Variants in CNTN5 observed in about 807,000 individuals in gnomAD.
The protein encoded by CNTN5 is contactin 5, also known as contactin-5.
A neutral mutation model predicts 129.1 loss-of-function variants in CNTN5; 77 were observed. The observed-to-expected ratio is 0.60, with a 90% CI of 0.50 to 0.72. The LOEUF is 0.72. Among genes scored for constraint, CNTN5 ranks in the 30% least tolerant of loss-of-function variants. CNTN5 has a pLI of 0.00. For missense variants in CNTN5, 1,478 were observed against 1,328.8 expected (o/e 1.11, Z -1.75); for synonymous variants, 509 against 465.6 (o/e 1.09, Z -1.20).
At chr11:99,165,347 T>C (rs901689434) in intron 1 of CNTN5, among the ~76,000 whole-genome samples, 4 of 152,218 alleles carry the variant, frequency 2.6e-5, no homozygotes, top group Admixed American at 1.3e-4. Context: ...AGTCTAATTA[T>C]TAGGTACAAC....
intron 21 of CNTN5, among the ~76,000 whole-genome samples, chr11:100,312,676 C>G (rs1565421165): frequency 6.6e-6 from 1 of 152,022 alleles, no homozygotes. Context: ...TGATCAATTT[C>G]ACATTTTATG....
At chr11:99,410,717 A>G (rs951407267) in intron 2 of CNTN5, among the ~76,000 whole-genome samples, 18 of 152,226 alleles carry the variant, frequency 1.2e-4, no homozygotes, top group Admixed American at 3.3e-4. Context: ...AAAACATGGC[A>G]TGAATAATGT....
At chr11:99,965,439 G>T (rs1041404314) in intron 8 of CNTN5, among the ~76,000 whole-genome samples, 5 of 151,664 alleles carry the variant, frequency 3.3e-5, no homozygotes, top group African/African-American at 1.2e-4. Flanking sequence ...TTCAGGAGCA[G>T]GTTGTTCAGT....
chr11:100,184,123 T>C (rs1237331377), intron 13 of CNTN5, among the ~76,000 whole-genome samples: 2 of 152,184 alleles, frequency 1.3e-5, no homozygotes, highest in Non-Finnish European at 2.9e-5. Context: ...TTCTGTGTTA[T>C]TTCCTGGCAC....
chr11:99,569,948 G>A (rs1949124488), intron 3 of CNTN5, among the ~76,000 whole-genome samples: 1 of 151,428 alleles, frequency 6.6e-6, no homozygotes, highest in Non-Finnish European at 1.5e-5. Flanking sequence ...TTAGTTCAGG[G>A]GATTGTAAAA....
chr11:99,580,817 G>A (rs1316940217), intron 3 of CNTN5, among the ~76,000 whole-genome samples: 1 of 116,422 alleles, frequency 8.6e-6, no homozygotes, highest in Non-Finnish European at 1.8e-5. Flanking sequence ...GGGTTTTTTT[G>A]TGTCTTTATT....
intron 13 of CNTN5, among the ~76,000 whole-genome samples, chr11:100,107,339 A>G (rs1945477173): frequency 6.6e-6 from 1 of 152,086 alleles, no homozygotes; most frequent in Admixed American, 6.6e-5. Context: ...AATAATTTCT[A>G]ACTTAGCATG....
chr11:99,774,272 T>C, intron 3 of CNTN5, among the ~76,000 whole-genome samples: 1 of 140,622 alleles, frequency 7.1e-6, no homozygotes, highest in African/African-American at 2.6e-5. Flanking sequence ...ATCAGAGTGA[T>C]AAAAAAAAAA....
chr11:99,026,514 T>A (rs926203808), intron 1 of CNTN5, among the ~76,000 whole-genome samples: 1 of 151,674 alleles, frequency 6.6e-6, no homozygotes, highest in African/African-American at 2.4e-5. Flanking sequence ...GTTATTCTAA[T>A]GTGTGAGCTG....
Position 100,356,910 on chromosome 11 carries a change from T to C in CNTN5, c.*690T>C, listed in dbSNP as rs1454271909. 1.3e-5 allele frequency: 2 copies of C among 151,784 alleles called. No homozygotes were observed. The highest frequency in any genetic ancestry group is 6.6e-5 in the Admixed American group (1 of 15,176). The allele number at this position is 151,784 out of a possible 1,614,324, so 9.4% of individuals were successfully genotyped here. On this transcript the variant is annotated 3_prime_UTR_variant, in exon 25 of 25. Transcript: ENST00000524871. ...CGAGTCCAGATGAATTTCAGTGCTA[T>C]AGTTTTTCATAAAGTACTATGTTAT... is the stretch of plus-strand genomic sequence containing the variant.
At chr11:99,820,403 T>G (rs780401818) in intron 4 of CNTN5, among the ~76,000 whole-genome samples, 12 of 152,296 alleles carry the variant, frequency 7.9e-5, no homozygotes, top group Non-Finnish European at 1.3e-4. Flanking sequence ...GATAAGTATA[T>G]ACTTAGCATT....
At position 99,746,349 on chromosome 11, in the gene CNTN5, C is replaced by T. The variant is rs947063384; in HGVS notation, c.56-73195C>T. Among the ~76,000 whole-genome samples, 4 of 152,138 alleles carry T rather than the reference C, an allele frequency of 2.6e-5. No individual in the cohort carries two copies. The East Asian group carries it at 5.8e-4, about 22-fold the overall frequency. On this transcript the variant is annotated intron_variant, in intron 3 of 24. Coordinates refer to ENST00000524871, the MANE Select transcript of CNTN5 (RefSeq NM_014361.4). ...GAGACTCTGTTTCTCAGTGTGTGTT[C>T]TTGGCAATTTATCAAATTTCAACTG... is the stretch of plus-strand genomic sequence containing the variant.
At chr11:100,186,087 G>A (rs1393864223) in intron 13 of CNTN5, among the ~76,000 whole-genome samples, 1 of 152,120 alleles carries the variant, frequency 6.6e-6, no homozygotes, top group Non-Finnish European at 1.5e-5. Flanking sequence ...AGGCTGGGCA[G>A]GGTGGCTCAT....
intron 1 of CNTN5, among the ~76,000 whole-genome samples, chr11:99,275,375 A>G (rs898450981): frequency 6.6e-6 from 1 of 151,618 alleles, no homozygotes; most frequent in African/African-American, 2.4e-5. Flanking sequence ...TACTATAATT[A>G]AATTATATAT....
chr11:99,878,006 A>G (rs1488119389), intron 6 of CNTN5, among the ~76,000 whole-genome samples: 1 of 152,214 alleles, frequency 6.6e-6, no homozygotes, highest in East Asian at 1.9e-4. Context: ...AGTCTGCCTT[A>G]ATTATTACTT....
intron 1 of CNTN5, among the ~76,000 whole-genome samples, chr11:99,060,584 G>A (rs1024159292): frequency 6.6e-6 from 1 of 151,040 alleles, no homozygotes; most frequent in Admixed American, 6.6e-5. Flanking sequence ...AGGAAGAAAA[G>A]AAATGAGCTT....
chr11:99,506,872 T>A (rs1253463481), intron 2 of CNTN5, among the ~76,000 whole-genome samples: 1 of 152,106 alleles, frequency 6.6e-6, no homozygotes, highest in Non-Finnish European at 1.5e-5. Flanking sequence ...ATTGATCAAA[T>A]TTAATGAGAA....
chr11:100,101,791 T>TC (rs764814498), intron 13 of CNTN5, among the ~76,000 whole-genome samples: 37 of 152,304 alleles, frequency 2.4e-4, no homozygotes, highest in Non-Finnish European at 2.4e-4. Flanking sequence ...CTTTGCATCC[T>TC]CGTAGCTTAG....
intron 9 of CNTN5, among the ~76,000 whole-genome samples, chr11:100,040,485 C>A (rs1247461111): frequency 6.6e-6 from 1 of 152,210 alleles, no homozygotes; most frequent in Non-Finnish European, 1.5e-5. Flanking sequence ...AAGCACTGCT[C>A]TCTTCAAAGC....
Sources: allele counts gnomAD v4.1 joint callset (sites outside exome capture counted in the v4.1 genomes callset), GRCh38; gene constraint gnomAD v4.1.1; transcripts MANE v1.5; gene names NCBI Gene and HGNC (gene_info 2026-07-23, HGNC 2026-07-21).